Variants in CSMD1 observed in about 807,000 individuals in gnomAD.
The protein encoded by CSMD1 is CUB and sushi domain-containing protein 1.
Under a neutral mutation model 417.5 loss-of-function variants are expected in CSMD1, and 213 were observed. The observed-to-expected ratio is 0.51, with a 90% CI of 0.46 to 0.57. The LOEUF is 0.57. Among genes scored for constraint, CSMD1 ranks in the 20% least tolerant of loss-of-function variants. The pLI is 0.00. For missense variants in CSMD1, 6,923 were observed against 4,529.7 expected (o/e 1.53, Z -15.17); for synonymous variants, 2,862 against 1,736.8 (o/e 1.65, Z -16.11).
chr8:4,197,349 G>A (rs563795815), intron 3 of CSMD1, among the ~76,000 whole-genome samples: 2 of 152,278 alleles, frequency 1.3e-5, no homozygotes, highest in Non-Finnish European at 2.9e-5. Context: ...CCAGATATTT[G>A]GTCAGACATT....
chr8:4,010,274 G>C (rs893051054), intron 4 of CSMD1, among the ~76,000 whole-genome samples: 2 of 152,036 alleles, frequency 1.3e-5, no homozygotes, highest in East Asian at 1.9e-4. Flanking sequence ...CATGTGCCCA[G>C]CTTTGAGTCT....
rs186135630 is a variant in CSMD1 at position 4,519,852 on chromosome 8, C to T, written c.303-99787G>A. 1.2e-3 allele frequency among the ~76,000 whole-genome samples: 167 copies of T among 140,776 alleles called. No homozygotes were observed. The East Asian group carries it at 0.022, about 18-fold the overall frequency. 92.4% of individuals were successfully genotyped at this position (140,776 alleles called of 152,430 possible). A position where few individuals can be genotyped will look rare whatever the true frequency, so the allele number is the denominator to read the frequency against. ...GGCTGAGCTAGATCTTATAGGATGA[C>T]GAAATTCACTAGATTTGGTTCATGA... On this transcript the variant is annotated intron_variant, in intron 2 of 69. Coordinates refer to ENST00000635120, the MANE Select transcript of CSMD1 (RefSeq NM_033225.6).
At chr8:3,975,432 CT>C (rs1345724664) in intron 5 of CSMD1, among the ~76,000 whole-genome samples, 4 of 152,068 alleles carry the variant, frequency 2.6e-5, no homozygotes, top group Non-Finnish European at 5.9e-5. Context: ...ATTTACAACC[CT>C]TAGAAAAATT....
In CSMD1 at chr8:3,223,732, T is replaced by G. The variant is rs374543061; in HGVS notation, c.4481A>C (p.Lys1494Thr). Residue 1494 changes from lysine (K) to threonine (T), a missense_variant, in exon 28 of 70, where the codon AAA becomes ACA. Physicochemically the swap from Lys to Thr is moderately conservative, Grantham distance 78. Transcript: ENST00000635120. ...NPDFVIALIF[K>T]SFNMEPSYDF... is the part of the protein sequence containing the mutation. ...GGTATTCTGCAAGAGACGGTACCTT[T>G]TGAATATCAAGGCGATGACAAAGTC... The G allele has an allele frequency of 1.2e-6, 2 of 1,613,764 alleles. No homozygotes were observed. Among genetic ancestry groups the G allele is most frequent in the Admixed American group, 1.7e-5 (1 of 59,996 alleles).
chr8:4,726,368 G>C (rs766531968), intron 1 of CSMD1, among the ~76,000 whole-genome samples: 3 of 151,258 alleles, frequency 2.0e-5, no homozygotes, highest in Non-Finnish European at 3.0e-5. Flanking sequence ...ATCACCAAAA[G>C]CTTTCTCTTC....
At chr8:3,492,155 G>C (rs547537024) in intron 11 of CSMD1, among the ~76,000 whole-genome samples, 3 of 152,146 alleles carry the variant, frequency 2.0e-5, no homozygotes, top group Admixed American at 6.5e-5. Flanking sequence ...GGACTGAAAC[G>C]GGTGGGCGTG....
At chr8:3,902,431 G>C (rs928239026) in intron 5 of CSMD1, among the ~76,000 whole-genome samples, 1 of 151,930 alleles carries the variant, frequency 6.6e-6, no homozygotes, top group Admixed American at 6.6e-5. Context: ...TTTGCTACCA[G>C]GGACCAATTT....
At chr8:4,056,941 G>A (rs893112062) in intron 3 of CSMD1, among the ~76,000 whole-genome samples, 3 of 152,134 alleles carry the variant, frequency 2.0e-5, no homozygotes, top group African/African-American at 7.2e-5. Flanking sequence ...ATCACTGTTG[G>A]ACATTTGGGT....
intron 5 of CSMD1, among the ~76,000 whole-genome samples, chr8:3,830,365 G>C (rs537682145): frequency 6.6e-6 from 1 of 152,324 alleles, no homozygotes; most frequent in Admixed American, 6.5e-5. Context: ...CTCAGAGGTT[G>C]CTTTCCCTCA....
At chr8:4,760,665 T>C (rs778573028) in intron 1 of CSMD1, among the ~76,000 whole-genome samples, 2 of 152,198 alleles carry the variant, frequency 1.3e-5, no homozygotes, top group African/African-American at 4.8e-5. Flanking sequence ...GAGTAACATT[T>C]TGTCTATTTC....
intron 1 of CSMD1, among the ~76,000 whole-genome samples, chr8:4,801,266 G>T (rs576206393): frequency 3.2e-4 from 48 of 152,180 alleles, no homozygotes; most frequent in African/African-American, 1.1e-3. Flanking sequence ...AGCATTTTCA[G>T]GTCACCTTTA....
intron 5 of CSMD1, among the ~76,000 whole-genome samples, chr8:3,877,759 T>G (rs1805926791): frequency 6.6e-6 from 1 of 152,204 alleles, no homozygotes; most frequent in South Asian, 2.1e-4. Flanking sequence ...CACTTTGATA[T>G]GTAAATCTAG....
chr8:4,920,861 GAAAAGAAAA>G (rs1563768429), intron 1 of CSMD1, among the ~76,000 whole-genome samples: 2 of 2,538 alleles, frequency 7.9e-4, no homozygotes, highest in African/African-American at 1.4e-3. Flanking sequence ...GAAAAGAAAA[GAAAAGAAAA>G]GAAAAGAAAA....
At chr8:3,933,966 G>C (rs2554656) in intron 5 of CSMD1, among the ~76,000 whole-genome samples, 127,400 of 152,100 alleles carry the variant, frequency 0.84, 53,455 homozygotes, top group Admixed American at 0.85. Context: ...GGACCACACA[G>C]TCGGGCTAGT....
intron 3 of CSMD1, among the ~76,000 whole-genome samples, chr8:4,238,616 A>T (rs1030928103): frequency 2.6e-5 from 4 of 152,184 alleles, no homozygotes; most frequent in African/African-American, 9.7e-5. Context: ...TCACTTAAAA[A>T]ACAGGAAGAA....
chr8:4,168,580 G>A (rs1056472083), intron 3 of CSMD1, among the ~76,000 whole-genome samples: 1 of 151,922 alleles, frequency 6.6e-6, no homozygotes, highest in African/African-American at 2.4e-5. Flanking sequence ...CAATAGACGG[G>A]CTTTGCAGGG....
intron 54 of CSMD1, among the ~76,000 whole-genome samples, 195 bp from the exon 55 acceptor site, chr8:2,978,995 C>A (rs557118608): frequency 6.6e-6 from 1 of 152,322 alleles, no homozygotes; most frequent in East Asian, 1.9e-4. Flanking sequence ...GTGTCAAGAA[C>A]TGGTCGACCA....
chr8:4,004,385 G>T (rs1419312150), intron 4 of CSMD1, among the ~76,000 whole-genome samples: 1 of 148,080 alleles, frequency 6.8e-6, no homozygotes, highest in South Asian at 2.2e-4. Context: ...TAGAGATGCT[G>T]TTGTTTTTGT....
At chr8:3,449,525 T>TA (rs1292896270) in intron 12 of CSMD1, among the ~76,000 whole-genome samples, 1 of 151,980 alleles carries the variant, frequency 6.6e-6, no homozygotes, top group Non-Finnish European at 1.5e-5. Flanking sequence ...CAGCAATTTT[T>TA]TTTTTTTTTA....
Sources: gnomAD v4.1 joint callset for allele counts (sites outside exome capture counted in the v4.1 genomes callset) on GRCh38, gnomAD v4.1.1 for gene constraint, MANE v1.5 for transcripts, NCBI Gene and HGNC (gene_info 2026-07-23, HGNC 2026-07-21) for gene names.